The following RC3H1 variants were observed in gnomAD, a reference collection of about 807,000 sequenced individuals.
RC3H1 encodes roquin-1.
A neutral mutation model predicts 138.2 loss-of-function variants in RC3H1; 50 were observed. That is an observed-to-expected ratio of 0.36 (90% CI 0.29 to 0.46). The LOEUF (loss-of-function observed/expected upper bound fraction) is 0.46, where lower values mean the gene tolerates loss of function less well. Among genes scored for constraint, RC3H1 ranks in the 20% least tolerant of loss-of-function variants. The pLI, the probability that RC3H1 is intolerant of heterozygous loss-of-function variation, is 1.00. For synonymous variants in RC3H1, 462 were observed against 489.1 expected (o/e 0.94, Z 0.73); for missense variants, 1,031 against 1,388.1 (o/e 0.74, Z 4.09).
chr1:173,942,352 G>C (rs1405006242), intron 18 of RC3H1, among the ~76,000 whole-genome samples: 4 of 145,574 alleles, frequency 2.7e-5, no homozygotes, highest in Non-Finnish European at 6.0e-5. Context: ...AGAATCACTG[G>C]AACATGGGAG....
At chr1:174,020,603 G>C (rs1367953822) in intron 1 of RC3H1, among the ~76,000 whole-genome samples, 1 of 152,162 alleles carries the variant, frequency 6.6e-6, no homozygotes, top group Non-Finnish European at 1.5e-5. Context: ...AATCTCCTTG[G>C]ATGTATCCAA....
chr1:173,952,187 AC>A, intron 13 of RC3H1, 49 bp from the exon 14 acceptor site: 1 of 1,417,838 alleles, frequency 7.1e-7, no homozygotes, highest in East Asian at 2.4e-5. Context: ...AGAGAAAGAA[AC>A]AAAACAGGAA....
In RC3H1 at chr1:173,961,117, G is replaced by GC. The variant is rs753670066; in HGVS notation, c.2329dup (p.Ala777GlyfsTer18). 6.2e-7 allele frequency: 1 copy of GC among 1,613,936 alleles called. No individual in the cohort carries two copies. Among genetic ancestry groups the GC allele is most frequent in the Non-Finnish European group, 8.5e-7 (1 of 1,179,932 alleles). On this transcript the variant is annotated frameshift_variant, in exon 13 of 20. Coordinates refer to ENST00000367696, the MANE Select transcript of RC3H1 (RefSeq NM_172071.4). LOFTEE classifies it high-confidence loss of function. ...GGTAGGAGGCAAGGTTGGTGAAGGT[G>GC]CAAAAGGAGGTGGAGAGATAACCTT...
intron 6 of RC3H1, 139 bp from the exon 7 acceptor site, chr1:173,978,759 G>A: frequency 1.2e-6 from 1 of 836,542 alleles, no homozygotes. Context: ...GGCCAGAGTA[G>A]ATTACTTGCT....
intron 1 of RC3H1, among the ~76,000 whole-genome samples, chr1:174,005,531 T>C (rs1450940291): frequency 6.6e-6 from 1 of 152,168 alleles, no homozygotes; most frequent in Non-Finnish European, 1.5e-5. Flanking sequence ...AATTGAATCA[T>C]AACCTTTTTG....
At chr1:174,007,342 A>G (rs1476072282) in intron 1 of RC3H1, among the ~76,000 whole-genome samples, 2 of 151,828 alleles carry the variant, frequency 1.3e-5, no homozygotes, top group Non-Finnish European at 2.9e-5. Context: ...GTGAGCCGAG[A>G]TCACTCCACT....
intron 3 of RC3H1, 40 bp from the exon 4 acceptor site, chr1:173,983,697 C>T: frequency 6.2e-7 from 1 of 1,604,074 alleles, no homozygotes; most frequent in Non-Finnish European, 8.5e-7. Context: ...GTTCACAATG[C>T]AATTTTACAG....
At chr1:173,942,347 C>T (rs1571164230) in intron 18 of RC3H1, among the ~76,000 whole-genome samples, 1 of 143,738 alleles carries the variant, frequency 7.0e-6, no homozygotes, top group Non-Finnish European at 1.5e-5. Context: ...GCAGGAGAAT[C>T]ACTGGAACAT....
intron 1 of RC3H1, among the ~76,000 whole-genome samples, chr1:174,010,504 T>A (rs1281328573): frequency 6.6e-6 from 1 of 152,134 alleles, no homozygotes; most frequent in African/African-American, 2.4e-5. Flanking sequence ...AGCCTCGACC[T>A]CCCAGGCTCA....
chr1:173,943,497 A>T lies in RC3H1; in HGVS notation c.3080T>A (p.Leu1027Ter). The T allele has an allele frequency of 6.2e-7, 1 of 1,614,014 alleles. No individual in the cohort carries two copies. The highest frequency in any genetic ancestry group is 8.5e-7 in the Non-Finnish European group (1 of 1,179,952). ...PGMISSEQLS[L>*]ELHQVEREIG... ...TTCCCTTTCCACCTGGTGCAGTTCC[A>T]AGCTCAACTGCTCACTTGAGATCAT... The change falls in exon 18 of 20, where the codon TTG becomes TAG. Residue 1027 changes from leucine (L) to a stop codon, truncating the protein, a stop_gained. Coordinates refer to ENST00000367696, the MANE Select transcript of RC3H1 (RefSeq NM_172071.4). LOFTEE classifies it high-confidence loss of function.
intron 13 of RC3H1, 69 bp from the exon 14 acceptor site, chr1:173,952,207 A>G (rs1461089029): frequency 8.7e-7 from 1 of 1,145,222 alleles, no homozygotes; most frequent in African/African-American, 1.6e-5. Flanking sequence ...AAATGGGTCT[A>G]TGAGTAACAA....
intron 14 of RC3H1, among the ~76,000 whole-genome samples, chr1:173,949,135 G>GC (rs1406172325): frequency 2.0e-5 from 2 of 100,726 alleles, no homozygotes; most frequent in South Asian, 9.1e-4. Context: ...TTTTTGGGGG[G>GC]GGGGGTGGGG....
At position 173,978,481 on chromosome 1, in the gene RC3H1, G is replaced by C. The variant is rs750428685; in HGVS notation, c.1102+7C>G. 1.8e-5 allele frequency: 29 copies of C among 1,612,884 alleles called. No homozygotes were observed. The South Asian group carries it at 3.2e-4, about 18-fold the overall frequency. ...TAAGATAGTCCATTAATTTCCCGTG[G>C]GTTTACCTGGACTAGGGTCAATGTT... On this transcript the variant is annotated splice_region_variant and intron_variant, in intron 7 of 19. Coordinates refer to ENST00000367696, the MANE Select transcript of RC3H1 (RefSeq NM_172071.4).
chr1:174,007,215 C>T (rs1277279652), intron 1 of RC3H1, among the ~76,000 whole-genome samples: 1 of 152,028 alleles, frequency 6.6e-6, no homozygotes, highest in African/African-American at 2.4e-5. Context: ...CGGGGAAACA[C>T]CATCTCTACT....
intron 7 of RC3H1, among the ~76,000 whole-genome samples, chr1:173,974,150 C>T (rs979593471): frequency 6.6e-6 from 1 of 151,822 alleles, no homozygotes; most frequent in Non-Finnish European, 1.5e-5. Flanking sequence ...CATGGTGGCA[C>T]ACGCCTGTAG....
intron 17 of RC3H1, among the ~76,000 whole-genome samples, chr1:173,945,095 T>C (rs1346007682): frequency 6.6e-6 from 1 of 151,928 alleles, no homozygotes; most frequent in Non-Finnish European, 1.5e-5. Context: ...TAGTCTTCCT[T>C]ATGTGGCACT....
chr1:173,947,329 T>C (rs755821433), intron 15 of RC3H1, 40 bp downstream of exon 15: 11 of 1,405,880 alleles, frequency 7.8e-6, no homozygotes, highest in Non-Finnish European at 1.1e-5. Flanking sequence ...AAAGTCAAGA[T>C]TATGAACCCT....
In RC3H1 at chr1:174,017,783, C is replaced by CAAAAAAAAAAAAAAAAAAAAA. The variant is rs61239660; in HGVS notation, c.-151+4292_-151+4312dup. 1.9e-4 allele frequency among the ~76,000 whole-genome samples: 14 copies of CAAAAAAAAAAAAAAAAAAAAA among 72,032 alleles called. 2 individuals are homozygous for CAAAAAAAAAAAAAAAAAAAAA. The highest frequency in any genetic ancestry group is 8.0e-4 in the African/African-American group (14 of 17,528). The allele number at this position is 72,032 out of a possible 152,430, so 47.3% of individuals were successfully genotyped here. On this transcript the variant is annotated intron_variant, in intron 1 of 19. Transcript: ENST00000367696. ...ACCCCTTTAGAACTCTTTTCTTGCT[C>CAAAAAAAAAAAAAAAAAAAAA]AAAAAAAAAAAAAAAAAAAAAAAAA...
At chr1:173,973,689 T>C (rs1015473604) in intron 7 of RC3H1, among the ~76,000 whole-genome samples, 1 of 152,130 alleles carries the variant, frequency 6.6e-6, no homozygotes, top group Non-Finnish European at 1.5e-5. Flanking sequence ...AAAAGAAATA[T>C]GTAAAATGAA....
Sources: gnomAD v4.1 joint callset for allele counts (sites outside exome capture counted in the v4.1 genomes callset) on GRCh38, gnomAD v4.1.1 for gene constraint, MANE v1.5 for transcripts, NCBI Gene and HGNC (gene_info 2026-07-23, HGNC 2026-07-21) for gene names.